Variants in SPIDR observed in about 807,000 individuals in gnomAD.
SPIDR encodes scaffold protein involved in DNA repair.
Under a neutral mutation model 104.6 loss-of-function variants are expected in SPIDR, and 93 were observed. The observed-to-expected ratio is 0.89, with a 90% CI of 0.75 to 1.06. The LOEUF is 1.06. SPIDR is among the 50% of genes least tolerant of loss of function. The pLI, the probability that SPIDR is intolerant of heterozygous loss-of-function variation, is 0.00. For synonymous variants in SPIDR, 431 were observed against 416.9 expected (o/e 1.03, Z -0.41); for missense variants, 1,154 against 1,111.2 (o/e 1.04, Z -0.55).
In SPIDR at chr8:47,446,601, A is replaced by T. The variant is rs369494659; in HGVS notation, c.1097+6059A>T. Among the ~76,000 whole-genome samples the T allele has an allele frequency of 3.2e-3, 463 of 144,222 alleles. 1 individual carries two copies. Among genetic ancestry groups the T allele is most frequent in the African/African-American group, 0.011 (442 of 39,030 alleles). The allele number at this position is 144,222 out of a possible 152,430, so 94.6% of individuals were successfully genotyped here. A position where few individuals can be genotyped will look rare whatever the true frequency, so the allele number is the denominator to read the frequency against. On this transcript the variant is annotated intron_variant, in intron 8 of 19. Coordinates refer to ENST00000297423, the MANE Select transcript of SPIDR (RefSeq NM_001080394.4). Reference sequence around the variant, plus strand: ...TGATTCCTTTTTTTTTTTTTTTTTTAAATGAGATGGAGTCTCAGTCTGTTG... The same window carrying T: ...TGATTCCTTTTTTTTTTTTTTTTTTTAATGAGATGGAGTCTCAGTCTGTTG...
chr8:47,399,406 A>G lies in SPIDR; in HGVS notation c.776+2780A>G, dbSNP rs2061591372. Among the ~76,000 whole-genome samples, 3 of 152,226 alleles carry G rather than the reference A, an allele frequency of 2.0e-5. No individual in the cohort carries two copies. The South Asian group carries it at 6.2e-4, about 31-fold the overall frequency. On this transcript the variant is annotated intron_variant, in intron 6 of 19. Transcript: ENST00000297423. ...GCAGAGTCCCTGCTGTTACAGGCACATGTATCTGGCTTGGGAACTAGTTCT... is the reference window on the plus strand; with the variant it reads ...GCAGAGTCCCTGCTGTTACAGGCACGTGTATCTGGCTTGGGAACTAGTTCT...
At chr8:47,504,982 T>C (rs2081245730) in intron 8 of SPIDR, among the ~76,000 whole-genome samples, 2 of 152,166 alleles carry the variant, frequency 1.3e-5, no homozygotes, top group African/African-American at 2.4e-5. Context: ...TGCCTGATCG[T>C]TTCTCTGGAA....
intron 8 of SPIDR, among the ~76,000 whole-genome samples, chr8:47,531,750 T>C (rs1339591281): frequency 6.6e-6 from 1 of 152,218 alleles, no homozygotes; most frequent in Non-Finnish European, 1.5e-5. Context: ...AGGACAACAT[T>C]ACTAGGCAGT....
chr8:47,482,037 A>G (rs1432820464), intron 8 of SPIDR, among the ~76,000 whole-genome samples: 1 of 152,186 alleles, frequency 6.6e-6, no homozygotes, highest in African/African-American at 2.4e-5. Context: ...GTCAGTTTTC[A>G]TGTGAGGACT....
chr8:47,299,258 T>TA (rs1250997369), intron 5 of SPIDR, among the ~76,000 whole-genome samples: 3 of 151,858 alleles, frequency 2.0e-5, no homozygotes, highest in Non-Finnish European at 4.4e-5. Flanking sequence ...CTCTGTCTGT[T>TA]ATTGGTGTAT....
rs149062747 is a variant in SPIDR at position 47,260,938 on chromosome 8, G to C, written c.-21G>C. ...CGGCGGCGCGCTGAGGAGGCGGTGCGCTCAGGCGGCGCTCCCGGAGATGCC... is the reference window on the plus strand; with the variant it reads ...CGGCGGCGCGCTGAGGAGGCGGTGCCCTCAGGCGGCGCTCCCGGAGATGCC... On this transcript the variant is annotated 5_prime_UTR_variant, in exon 1 of 20. Coordinates refer to ENST00000297423, the MANE Select transcript of SPIDR (RefSeq NM_001080394.4). 2.2e-5 allele frequency: 27 copies of C among 1,227,028 alleles called. No homozygotes were observed. The highest frequency in any genetic ancestry group is 2.7e-5 in the Non-Finnish European group (27 of 984,786). The allele number at this position is 1,227,028 out of a possible 1,614,324, so 76.0% of individuals were successfully genotyped here. A position where few individuals can be genotyped will look rare whatever the true frequency, so the allele number is the denominator to read the frequency against.
intron 8 of SPIDR, among the ~76,000 whole-genome samples, chr8:47,490,728 C>G (rs1165134035): frequency 6.6e-6 from 1 of 152,192 alleles, no homozygotes; most frequent in Non-Finnish European, 1.5e-5. Flanking sequence ...CCATCATTCT[C>G]AGCAAACTAT....
At chr8:47,446,364 T>C (rs572771371) in intron 8 of SPIDR, among the ~76,000 whole-genome samples, 32 of 152,336 alleles carry the variant, frequency 2.1e-4, no homozygotes, top group South Asian at 1.9e-3. Flanking sequence ...GTGAATACTT[T>C]AAGCCAAACT....
chr8:47,605,683 A>G (rs1042662729), intron 10 of SPIDR, among the ~76,000 whole-genome samples: 3 of 152,204 alleles, frequency 2.0e-5, no homozygotes, highest in African/African-American at 7.2e-5. Context: ...TGAAATTGGT[A>G]TTATAATACT....
At chr8:47,639,728 A>T (rs1002146628) in intron 10 of SPIDR, among the ~76,000 whole-genome samples, 2 of 152,032 alleles carry the variant, frequency 1.3e-5, no homozygotes, top group African/African-American at 4.8e-5. Context: ...CGGGTGGGTC[A>T]CTTGAGGTCA....
At position 47,485,720 on chromosome 8, in the gene SPIDR, C is replaced by A. The variant is rs898906471; in HGVS notation, c.1097+45178C>A. Among the ~76,000 whole-genome samples the A allele has an allele frequency of 5.9e-5, 9 of 152,182 alleles. No homozygotes were observed. The East Asian group carries it at 1.7e-3, about 29-fold the overall frequency. On this transcript the variant is annotated intron_variant, in intron 8 of 19. Transcript: ENST00000297423. ...GCAATATTGTCTGTTCTGCAGCCTC[C>A]GCTGCTGATACCCAGGCAAACAGGG...
At chr8:47,370,505 G>C (rs977544374) in intron 5 of SPIDR, among the ~76,000 whole-genome samples, 2 of 139,362 alleles carry the variant, frequency 1.4e-5, no homozygotes, top group Non-Finnish European at 3.0e-5. Context: ...GGAATGCAAT[G>C]GTGCGATCTG....
At chr8:47,287,584 A>G (rs1362466073) in intron 3 of SPIDR, among the ~76,000 whole-genome samples, 1 of 152,112 alleles carries the variant, frequency 6.6e-6, no homozygotes, top group Non-Finnish European at 1.5e-5. Context: ...GGTATTAATT[A>G]TTAATATTCC....
chr8:47,342,234 C>T (rs1438512023), intron 5 of SPIDR, among the ~76,000 whole-genome samples: 1 of 151,966 alleles, frequency 6.6e-6, no homozygotes, highest in Non-Finnish European at 1.5e-5. Flanking sequence ...CATGGGCTCC[C>T]CCATGCCGCC....
intron 8 of SPIDR, among the ~76,000 whole-genome samples, chr8:47,593,349 A>G (rs2154421284): frequency 6.6e-6 from 1 of 151,524 alleles, no homozygotes; most frequent in South Asian, 2.1e-4. Flanking sequence ...TGAAACTTCC[A>G]TTTTTAAGAA....
In SPIDR at chr8:47,729,475, G is replaced by A. The variant is rs1262875256; in HGVS notation, c.2604+10G>A. 1.3e-6 allele frequency: 2 copies of A among 1,592,736 alleles called. No homozygotes were observed. The highest frequency in any genetic ancestry group is 1.7e-6 in the Non-Finnish European group (2 of 1,171,112). ...CGCCGGTGAAGATGGGGTAAGTGCA[G>A]GGGGCCCAGCCCAGGGGGCCGCACA... On this transcript the variant is annotated intron_variant, in intron 19 of 19. Transcript: ENST00000297423.
chr8:47,294,865 G>A (rs961330111), intron 5 of SPIDR, among the ~76,000 whole-genome samples: 4 of 152,044 alleles, frequency 2.6e-5, no homozygotes, highest in Non-Finnish European at 5.9e-5. Flanking sequence ...ATCACATTTG[G>A]TAAGTTTTTG....
chr8:47,461,082 C>A (rs1350117303), intron 8 of SPIDR, among the ~76,000 whole-genome samples: 2 of 152,160 alleles, frequency 1.3e-5, no homozygotes, highest in East Asian at 3.9e-4. Flanking sequence ...TGCCTCACAG[C>A]TCTTAAGATT....
At chr8:47,522,203 A>G (rs1361229005) in intron 8 of SPIDR, among the ~76,000 whole-genome samples, 1 of 151,716 alleles carries the variant, frequency 6.6e-6, no homozygotes, top group Non-Finnish European at 1.5e-5. Context: ...AGAAAAAAAG[A>G]AACATGAATG....
Sources: gnomAD v4.1 joint callset for allele counts (sites outside exome capture counted in the v4.1 genomes callset) on GRCh38, gnomAD v4.1.1 for gene constraint, MANE v1.5 for transcripts, NCBI Gene and HGNC (gene_info 2026-07-23, HGNC 2026-07-21) for gene names.